The following IL6ST variants were observed in gnomAD, a reference collection of about 807,000 sequenced individuals.
IL6ST encodes interleukin-6 receptor subunit beta.
A neutral mutation model predicts 91.3 loss-of-function variants in IL6ST; 24 were observed. The ratio of observed to expected loss-of-function variants is 0.26; its 90% CI spans 0.19 to 0.37. The LOEUF (loss-of-function observed/expected upper bound fraction) is 0.37, where lower values mean the gene tolerates loss of function less well. Among genes scored for constraint, IL6ST ranks in the 10% least tolerant of loss-of-function variants. The probability of loss-of-function intolerance (pLI) is 1.00; values close to 1 mark genes in which losing one functional copy is unlikely to be tolerated. For synonymous variants in IL6ST, 351 were observed against 373.6 expected (o/e 0.94, Z 0.70); for missense variants, 914 against 1,078.5 (o/e 0.85, Z 2.14).
In IL6ST at chr5:55,964,408, T is replaced by C. The variant is rs937210036; in HGVS notation, c.492-96A>G. ...TGCAAAGAGTTTGATGAGACCTAGA[T>C]TGTTGTAGCAAACTTTGCAATATAA... On this transcript the variant is annotated intron_variant, in intron 5 of 16. Transcript: ENST00000381298. 6 of 749,008 alleles carry C rather than the reference T, an allele frequency of 8.0e-6. No homozygotes were observed. In the East Asian group the frequency reaches 1.2e-4, roughly 15 times the overall value. 46.4% of individuals were successfully genotyped at this position (749,008 alleles called of 1,614,324 possible).
intron 8 of IL6ST, among the ~76,000 whole-genome samples, chr5:55,959,106 C>CA (rs1318331117): frequency 2.0e-5 from 3 of 152,108 alleles, no homozygotes; most frequent in Admixed American, 6.5e-5. Context: ...ATTGATTTGA[C>CA]AAAGATTATG....
At chr5:55,973,649 T>C (rs774999119) in intron 3 of IL6ST, among the ~76,000 whole-genome samples, 9 of 152,224 alleles carry the variant, frequency 5.9e-5, no homozygotes, top group Non-Finnish European at 1.3e-4. Flanking sequence ...CCAGACATTG[T>C]ACAGCAAAGA....
At chr5:55,951,015 G>T (rs1024133370) in intron 14 of IL6ST, among the ~76,000 whole-genome samples, 1 of 152,002 alleles carries the variant, frequency 6.6e-6, no homozygotes, top group Non-Finnish European at 1.5e-5. Flanking sequence ...TGATGATCAA[G>T]AGGTCTTCTG....
chr5:55,938,309 G>A lies in IL6ST; in HGVS notation c.*2773C>T, dbSNP rs543218098. 2 of 191,456 alleles carry A rather than the reference G, an allele frequency of 1.0e-5. No homozygotes were observed. The highest frequency in any genetic ancestry group is 8.3e-5 in the East Asian group (1 of 12,104). The allele number at this position is 191,456 out of a possible 1,614,324, so 11.9% of individuals were successfully genotyped here. On this transcript the variant is annotated 3_prime_UTR_variant, in exon 17 of 17. Coordinates refer to ENST00000381298, the MANE Select transcript of IL6ST (RefSeq NM_002184.4). Reference sequence around the variant, plus strand: ...TTCCTTGCTGCTGTTCCCGAGTGCCGACTGATCCATAGTAAAAAAGGACAA... The same window carrying A: ...TTCCTTGCTGCTGTTCCCGAGTGCCAACTGATCCATAGTAAAAAAGGACAA...
In IL6ST at chr5:55,982,964, T is replaced by TA. The variant is rs11408611; in HGVS notation, c.-103-154dup. On this transcript the variant is annotated intron_variant, in intron 1 of 16. Transcript: ENST00000381298. ...TGAGCTTCAGAATAAAATAAACCCA[T>TA]AAACACTTGTATAAGAGTATTCAAA... 8.8e-3 allele frequency among the ~76,000 whole-genome samples: 1,332 copies of TA among 151,996 alleles called. 19 individuals are homozygous for TA. The highest frequency in any genetic ancestry group is 0.031 in the African/African-American group (1,267 of 41,460).
intron 3 of IL6ST, among the ~76,000 whole-genome samples, chr5:55,974,248 T>C (rs1256568020): frequency 6.6e-6 from 1 of 152,220 alleles, no homozygotes; most frequent in Non-Finnish European, 1.5e-5. Context: ...ACCTTTATAA[T>C]AAATATGCAG....
At chr5:55,990,696 A>T (rs1754270204) in intron 1 of IL6ST, among the ~76,000 whole-genome samples, 1 of 152,180 alleles carries the variant, frequency 6.6e-6, no homozygotes, top group Non-Finnish European at 1.5e-5. Flanking sequence ...TAAAAACAAT[A>T]CACCATAGGT....
intron 8 of IL6ST, chr5:55,959,806 A>G: frequency 3.0e-6 from 1 of 338,436 alleles, no homozygotes. Flanking sequence ...TCTCTGGACA[A>G]GTCTCCTTGA....
chr5:55,949,248 G>C (rs1202661341), intron 14 of IL6ST, among the ~76,000 whole-genome samples: 1 of 152,142 alleles, frequency 6.6e-6, no homozygotes, highest in Non-Finnish European at 1.5e-5. Context: ...GGCTAAGGCA[G>C]GAGGACTGAG....
In IL6ST at chr5:55,941,010, A is replaced by C; in HGVS notation, c.*72T>G. 1 of 1,424,694 alleles carries C rather than the reference A, an allele frequency of 7.0e-7. No homozygotes were observed. The highest frequency in any genetic ancestry group is 9.5e-7 in the Non-Finnish European group (1 of 1,051,088). The allele number at this position is 1,424,694 out of a possible 1,614,324, so 88.3% of individuals were successfully genotyped here. A position where few individuals can be genotyped will look rare whatever the true frequency, so the allele number is the denominator to read the frequency against. ...GAGAGTGAAGACTTTTTAAAATCTG[A>C]ATTCACAGATAAAATCATTTTAGCT... On this transcript the variant is annotated 3_prime_UTR_variant, in exon 17 of 17. Coordinates refer to ENST00000381298, the MANE Select transcript of IL6ST (RefSeq NM_002184.4).
Position 55,937,852 on chromosome 5 carries a change from A to G in IL6ST, c.*3230T>C. On this transcript the variant is annotated 3_prime_UTR_variant, in exon 17 of 17. Coordinates refer to ENST00000381298, the MANE Select transcript of IL6ST (RefSeq NM_002184.4). ...TGTATGGTTTAGGAATATGCTCTTA[A>G]TAACAACTGAGCAAAATTAGAATGA... is the stretch of plus-strand genomic sequence containing the variant. 1 of 196,516 alleles carries G rather than the reference A, an allele frequency of 5.1e-6. No individual in the cohort carries two copies. Among genetic ancestry groups the G allele is most frequent in the Non-Finnish European group, 1.1e-5 (1 of 94,476 alleles). 12.2% of individuals were successfully genotyped at this position (196,516 alleles called of 1,614,324 possible).
At chr5:55,958,157 A>C (rs141133131) in intron 8 of IL6ST, among the ~76,000 whole-genome samples, 1,532 of 152,276 alleles carry the variant, frequency 0.01, 10 homozygotes, top group Non-Finnish European at 0.016. Context: ...CCCAGGCTGG[A>C]GTGCAGTGGA....
intron 11 of IL6ST, among the ~76,000 whole-genome samples, chr5:55,953,443 G>A (rs978879292): frequency 1.3e-5 from 2 of 152,288 alleles, no homozygotes. Flanking sequence ...AGGCTGGAGT[G>A]CAATGGCATG....
Position 55,952,282 on chromosome 5 carries a change from G to C in IL6ST, c.1520C>G (p.Pro507Arg). ...TPVYADGPGS[P>R]ESIKAYLKQA... ...TTTAAGGTATGCCTTTATGGATTCAGGGCTTCCTGGTCCATCAGCATATAC... is the reference window on the plus strand; with the variant it reads ...TTTAAGGTATGCCTTTATGGATTCACGGCTTCCTGGTCCATCAGCATATAC... The change falls in exon 12 of 17, where the codon CCT (proline) becomes CGT (arginine). Residue 507 changes from proline to arginine, a missense_variant. Pro to Arg is a moderately radical substitution (Grantham distance 103). Coordinates refer to ENST00000381298, the MANE Select transcript of IL6ST (RefSeq NM_002184.4). 1 of 1,610,746 alleles carries C rather than the reference G, an allele frequency of 6.2e-7. No individual in the cohort carries two copies. Among genetic ancestry groups the C allele is most frequent in the Non-Finnish European group, 8.5e-7 (1 of 1,177,626 alleles).
At position 55,936,897 on chromosome 5, in the gene IL6ST, T is replaced by C. The variant is rs1195058028; in HGVS notation, c.*4185A>G. Reference sequence around the variant, plus strand: ...ATTGCACTTAGAAGAAAGTGGGACATAGCTAGGATATAAAAGAAACATACC... The same window carrying C: ...ATTGCACTTAGAAGAAAGTGGGACACAGCTAGGATATAAAAGAAACATACC... On this transcript the variant is annotated 3_prime_UTR_variant, in exon 17 of 17. Transcript: ENST00000381298. 5.0e-6 allele frequency: 1 copy of C among 198,902 alleles called. No homozygotes were observed. Among genetic ancestry groups the C allele is most frequent in the African/African-American group, 2.3e-5 (1 of 43,474 alleles). 12.3% of individuals were successfully genotyped at this position (198,902 alleles called of 1,614,324 possible). A position where few individuals can be genotyped will look rare whatever the true frequency, so the allele number is the denominator to read the frequency against.
intron 7 of IL6ST, among the ~76,000 whole-genome samples, chr5:55,961,520 G>C (rs1049320920): frequency 2.6e-5 from 4 of 152,160 alleles, no homozygotes; most frequent in African/African-American, 4.8e-5. Context: ...CACTTTGGGA[G>C]ACTGAAGTAG....
Position 55,940,993 on chromosome 5 carries a change from A to C in IL6ST, c.*89T>G. 1 of 1,315,546 alleles carries C rather than the reference A, an allele frequency of 7.6e-7. No individual in the cohort carries two copies. The highest frequency in any genetic ancestry group is 1.0e-6 in the Non-Finnish European group (1 of 953,376). The allele number at this position is 1,315,546 out of a possible 1,614,324, so 81.5% of individuals were successfully genotyped here. ...GCAAATGATCATCTTCAGAGAGTGA[A>C]GACTTTTTAAAATCTGAATTCACAG... is the stretch of plus-strand genomic sequence containing the variant. On this transcript the variant is annotated 3_prime_UTR_variant, in exon 17 of 17. Coordinates refer to ENST00000381298, the MANE Select transcript of IL6ST (RefSeq NM_002184.4).
At chr5:55,963,207 T>C (rs1160207301) in intron 7 of IL6ST, 145 bp downstream of exon 7, 1 of 558,104 alleles carries the variant, frequency 1.8e-6, no homozygotes, top group Non-Finnish European at 3.1e-6. Context: ...ATTCCCCTTG[T>C]TTGAAATAAC....
At chr5:55,974,956 T>TACACACAC (rs3039924) in intron 3 of IL6ST, among the ~76,000 whole-genome samples, 3 of 114,624 alleles carry the variant, frequency 2.6e-5, no homozygotes, top group East Asian at 4.6e-4. Context: ...CACACACACA[T>TACACACAC]ACACACACAC....
Sources: gnomAD v4.1 joint callset for allele counts (sites outside exome capture counted in the v4.1 genomes callset) on GRCh38, gnomAD v4.1.1 for gene constraint, MANE v1.5 for transcripts, NCBI Gene and HGNC (gene_info 2026-07-23, HGNC 2026-07-21) for gene names.